The following HADH variants were observed in gnomAD, a reference collection of about 807,000 sequenced individuals.
The protein encoded by HADH is hydroxyacyl-coenzyme A dehydrogenase, mitochondrial.
Under a neutral mutation model 32.2 loss-of-function variants are expected in HADH, and 24 were observed. The observed-to-expected ratio is 0.75, with a 90% confidence interval of 0.54 to 1.05. HADH has a LOEUF of 1.05. Ranked by LOEUF, HADH falls within the 50% of genes least tolerant of loss-of-function variation. The pLI, the probability that HADH is intolerant of heterozygous loss-of-function variation, is 0.00. For synonymous variants in HADH, 139 were observed against 152.5 expected (o/e 0.91, Z 0.65); for missense variants, 350 against 397.1 (o/e 0.88, Z 1.01).
intron 1 of HADH, chr4:108,004,874 A>G (rs1735242633): frequency 1.3e-6 from 2 of 1,535,832 alleles, no homozygotes; most frequent in African/African-American, 1.4e-5. Flanking sequence ...GGGAGAGCTG[A>G]GCTTGGAGGC....
Position 108,018,692 on chromosome 4 carries a change from G to T in HADH, c.420-848G>T, listed in dbSNP as rs187834919. Among the ~76,000 whole-genome samples the T allele has an allele frequency of 6.4e-3, 971 of 152,238 alleles. 9 individuals are homozygous for T. Among genetic ancestry groups the T allele is most frequent in the Middle Eastern group, 0.024 (7 of 294 alleles). On this transcript the variant is annotated intron_variant, in intron 3 of 7. Coordinates refer to ENST00000309522, the MANE Select transcript of HADH (RefSeq NM_005327.7). The stretch of plus-strand genomic sequence containing the variant: ...GAAACCCCCAAGCCTGGTCAGTAAG[G>T]GATCCTTTCCTTTCCTGCCCTGTTA...
intron 5 of HADH, 195 bp downstream of exon 5, chr4:108,023,758 G>A: frequency 3.3e-6 from 2 of 602,416 alleles, no homozygotes; most frequent in Non-Finnish European, 6.1e-6. Flanking sequence ...CCTAAGCCAT[G>A]CCTAAGGCCA....
At chr4:108,012,276 C>T (rs1313927786) in intron 2 of HADH, among the ~76,000 whole-genome samples, 1 of 152,086 alleles carries the variant, frequency 6.6e-6, no homozygotes, top group African/African-American at 2.4e-5. Flanking sequence ...TTTACCTTCT[C>T]TAGGATGAAA....
chr4:108,027,306 G>A, intron 5 of HADH: 3 of 357,370 alleles, frequency 8.4e-6, no homozygotes, highest in Non-Finnish European at 1.6e-5. Context: ...TCACAACTTT[G>A]AGACAAACTG....
intron 1 of HADH, chr4:108,004,884 C>T (rs1397439367): frequency 6.5e-7 from 1 of 1,535,776 alleles, no homozygotes; most frequent in East Asian, 2.4e-5. Context: ...AGCTTGGAGG[C>T]TGGAAGCCCA....
At chr4:108,006,082 A>T (rs1340341113) in intron 1 of HADH, among the ~76,000 whole-genome samples, 3 of 152,186 alleles carry the variant, frequency 2.0e-5, no homozygotes, top group Non-Finnish European at 2.9e-5. Context: ...GACCTTCAAG[A>T]AAGGAATTAA....
intron 4 of HADH, among the ~76,000 whole-genome samples, chr4:108,021,859 GT>G (rs1735896051): frequency 6.6e-6 from 1 of 152,106 alleles, no homozygotes; most frequent in Non-Finnish European, 1.5e-5. Context: ...TCTTCACTGT[GT>G]CTTTTCCTGT....
intron 6 of HADH, chr4:108,030,133 T>G (rs1480203868): frequency 6.6e-6 from 1 of 152,342 alleles, no homozygotes; most frequent in Non-Finnish European, 1.5e-5. Context: ...CAAGACAGGC[T>G]CAGTGGTTCT....
intron 1 of HADH, among the ~76,000 whole-genome samples, chr4:107,994,245 T>A (rs989027607): frequency 6.6e-6 from 1 of 152,166 alleles, no homozygotes; most frequent in African/African-American, 2.4e-5. Flanking sequence ...TTTTTTTTTT[T>A]CCTCCTTTTT....
chr4:108,019,367 A>C (rs1190396419), intron 3 of HADH, among the ~76,000 whole-genome samples, 173 bp from the exon 4 acceptor site: 2 of 152,210 alleles, frequency 1.3e-5, no homozygotes, highest in African/African-American at 4.8e-5. Context: ...AAAAAGCTGA[A>C]GTCACTTGAT....
chr4:108,034,387 A>G lies in HADH; in HGVS notation c.*30A>G, dbSNP rs1578269319. On this transcript the variant is annotated 3_prime_UTR_variant, in exon 8 of 8. Transcript: ENST00000309522. ...CAGCTTCTCCGGCTCTGAGAAGAACACCTGAGAGCGCTTTCCAGCCAGTGC... is the reference window on the plus strand; with the variant it reads ...CAGCTTCTCCGGCTCTGAGAAGAACGCCTGAGAGCGCTTTCCAGCCAGTGC... 1 of 1,313,334 alleles carries G rather than the reference A, an allele frequency of 7.6e-7. No homozygotes were observed. Among genetic ancestry groups the G allele is most frequent in the Non-Finnish European group, 1.1e-6 (1 of 905,442 alleles). 81.4% of individuals were successfully genotyped at this position (1,313,334 alleles called of 1,614,324 possible). A position where few individuals can be genotyped will look rare whatever the true frequency, so the allele number is the denominator to read the frequency against.
chr4:108,033,254 A>T lies in HADH; in HGVS notation c.788A>T (p.Asp263Val), dbSNP rs1223182881. 1.2e-6 allele frequency: 2 copies of T among 1,601,356 alleles called. No individual in the cohort carries two copies. The highest frequency in any genetic ancestry group is 1.7e-5 in the Admixed American group (1 of 59,986). Residue 263 changes from aspartate (D) to valine (V), a missense_variant, in exon 7 of 8, where the codon GAT becomes GTT. Physicochemically the swap from Asp to Val is radical, Grantham distance 152. Transcript: ENST00000309522. ...CCCATGGGCCCATTTGAGCTTCTAG[A>T]TTATGTCGGACTGGATACTACGAAG... ...GYPMGPFELLDYVGLDTTKFI... is the reference protein window; with the variant it reads ...GYPMGPFELLVYVGLDTTKFI...
At chr4:108,009,974 T>C (rs901952372) in intron 2 of HADH, 87 bp downstream of exon 2, 2 of 836,718 alleles carry the variant, frequency 2.4e-6, no homozygotes, top group East Asian at 2.7e-5. Context: ...GCTTTCTTTC[T>C]TTCTTTTTTT....
At chr4:108,010,693 ATTT>A (rs1339893690) in intron 2 of HADH, among the ~76,000 whole-genome samples, 11 of 152,144 alleles carry the variant, frequency 7.2e-5, no homozygotes, top group Non-Finnish European at 1.5e-4. Flanking sequence ...AAAATTTGCC[ATTT>A]TAAACTATAC....
chr4:107,997,277 T>G (rs1293150228), intron 1 of HADH, among the ~76,000 whole-genome samples: 1 of 152,154 alleles, frequency 6.6e-6, no homozygotes, highest in Non-Finnish European at 1.5e-5. Context: ...AGAGAGAGGA[T>G]GAAAACGGTG....
chr4:108,005,108 T>C (rs1735253246), intron 1 of HADH: 2 of 436,602 alleles, frequency 4.6e-6, no homozygotes, highest in Non-Finnish European at 8.2e-6. Flanking sequence ...TTTCTTAATA[T>C]TTGATCTTAT....
chr4:108,032,913 C>T (rs1191062725), intron 6 of HADH: 7 of 441,994 alleles, frequency 1.6e-5, no homozygotes, highest in Middle Eastern at 6.7e-4. Flanking sequence ...ACCCAGGAGG[C>T]GGAGGTTGCA....
intron 1 of HADH, among the ~76,000 whole-genome samples, chr4:108,000,034 T>G (rs1735075039): frequency 6.6e-6 from 1 of 152,168 alleles, no homozygotes; most frequent in South Asian, 2.1e-4. Flanking sequence ...TTACTGGAAA[T>G]TCTCATTGGC....
chr4:108,001,994 C>T (rs1437689132), intron 1 of HADH, among the ~76,000 whole-genome samples: 2 of 152,128 alleles, frequency 1.3e-5, no homozygotes, highest in Non-Finnish European at 2.9e-5. Flanking sequence ...TATGTCGAAG[C>T]TGAATCCCCA....
Sources: gnomAD v4.1 joint callset for allele counts (sites outside exome capture counted in the v4.1 genomes callset) on GRCh38, gnomAD v4.1.1 for gene constraint, MANE v1.5 for transcripts, NCBI Gene and HGNC (gene_info 2026-07-23, HGNC 2026-07-21) for gene names.